The following CTDSP2 variants were observed in gnomAD, a reference collection of about 807,000 sequenced individuals.
CTDSP2 encodes the protein carboxy-terminal domain RNA polymerase II polypeptide A small phosphatase 2.
A neutral mutation model predicts 31.6 loss-of-function variants in CTDSP2; 9 were observed. The observed-to-expected ratio is 0.28, with a 90% CI of 0.17 to 0.50. The LOEUF is 0.50. Among genes scored for constraint, CTDSP2 ranks in the 20% least tolerant of loss-of-function variants. The pLI, the probability that CTDSP2 is intolerant of heterozygous loss-of-function variation, is 0.98. For missense variants in CTDSP2, 267 were observed against 348.5 expected, an observed-to-expected ratio of 0.77 and a Z score of 1.86; for synonymous variants, 134 against 134.5, an observed-to-expected ratio of 1.00 and a Z score of 0.03.
Position 57,822,689 on chromosome 12 carries a change from C to G in CTDSP2, c.*913G>C, listed in dbSNP as rs951627916. The G allele has an allele frequency of 3.3e-5, 5 of 152,306 alleles. No homozygotes were observed. Among genetic ancestry groups the G allele is most frequent in the African/African-American group, 1.2e-4 (5 of 41,464 alleles). 9.4% of individuals were successfully genotyped at this position (152,306 alleles called of 1,614,324 possible). Reference sequence around the variant, plus strand: ...TTAGCTGATCCACAAGCCATGGGGACACACGTCCACGCTTTGAGGATTTGT... The same window carrying G: ...TTAGCTGATCCACAAGCCATGGGGAGACACGTCCACGCTTTGAGGATTTGT... On this transcript the variant is annotated 3_prime_UTR_variant, in exon 8 of 8. Transcript: ENST00000398073.
At chr12:57,839,012 C>T (rs544040986) in intron 1 of CTDSP2, among the ~76,000 whole-genome samples, 17 of 152,266 alleles carry the variant, frequency 1.1e-4, no homozygotes, top group South Asian at 2.1e-4. Flanking sequence ...TGATGTTTTC[C>T]GGGACTCCAC....
At chr12:57,840,457 G>GT (rs1022405381) in intron 1 of CTDSP2, among the ~76,000 whole-genome samples, 14 of 152,144 alleles carry the variant, frequency 9.2e-5, no homozygotes, top group African/African-American at 3.4e-4. Context: ...TCTATGTGAC[G>GT]TGAGTCAGAA....
rs1956167620 is a variant in CTDSP2 at position 57,824,133 on chromosome 12, C to A, written c.505-44G>T. ...CCTTAGTTTGGATACACTCCTGGTC[C>A]TCCTGTATAACCCTAGGGACCAAAA... On this transcript the variant is annotated intron_variant, in intron 6 of 7. Coordinates refer to ENST00000398073, the MANE Select transcript of CTDSP2 (RefSeq NM_005730.4). 5 of 1,611,764 alleles carry A rather than the reference C, an allele frequency of 3.1e-6. No homozygotes were observed. In the East Asian group the frequency reaches 1.1e-4, roughly 36 times the overall value.
intron 1 of CTDSP2, among the ~76,000 whole-genome samples, chr12:57,841,867 G>A (rs1956284607): frequency 1.3e-5 from 2 of 152,174 alleles, no homozygotes; most frequent in South Asian, 4.1e-4. Context: ...TATAATAGAA[G>A]GGTAGATATC....
rs1595192075 is a variant in CTDSP2, at chr12:57,833,040, C to A, written c.65-3444G>T. Among the ~76,000 whole-genome samples the A allele has an allele frequency of 2.6e-5, 4 of 152,276 alleles. No homozygotes were observed. The South Asian group carries it at 8.3e-4, about 32-fold the overall frequency. The stretch of plus-strand genomic sequence containing the variant: ...TGGTTTATGGTTTCTTCATGCAGAA[C>A]CACAATCAGAGGCTTAACCCGGGCA... On this transcript the variant is annotated intron_variant, in intron 1 of 7. Transcript: ENST00000398073.
intron 1 of CTDSP2, among the ~76,000 whole-genome samples, chr12:57,839,522 T>C (rs1376572950): frequency 6.6e-6 from 1 of 152,080 alleles, no homozygotes; most frequent in Admixed American, 6.6e-5. Flanking sequence ...ATCAAGACCA[T>C]CCTGGCTAAC....
At position 57,821,020 on chromosome 12, in the gene CTDSP2, AAG is replaced by A. The variant is rs1219725314; in HGVS notation, c.*2580_*2581del. On this transcript the variant is annotated 3_prime_UTR_variant, in exon 8 of 8. Transcript: ENST00000398073. The stretch of plus-strand genomic sequence containing the variant: ...AGGGGCTGATGGTGGGAAGCCCTAG[AAG>A]AGAGTCTGGGATGAAGCGGCCTCCT... 5 of 152,312 alleles carry A rather than the reference AAG, an allele frequency of 3.3e-5. No homozygotes were observed. Among genetic ancestry groups the A allele is most frequent in the East Asian group, 1.9e-4 (1 of 5,188 alleles). 9.4% of individuals were successfully genotyped at this position (152,312 alleles called of 1,614,324 possible).
chr12:57,830,503 A>C (rs1282283308), intron 1 of CTDSP2, among the ~76,000 whole-genome samples: 1 of 152,192 alleles, frequency 6.6e-6, no homozygotes, highest in Non-Finnish European at 1.5e-5. Flanking sequence ...CCCAGCCCCA[A>C]GGAAGAAACT....
rs529476902 is a variant in CTDSP2, at chr12:57,827,134, A to G, written c.253-37T>C. On this transcript the variant is annotated intron_variant, in intron 3 of 7. Transcript: ENST00000398073. ...CCAGGTTGCTGAGATCTGCCTACCA[A>G]GAAAGCCCAATTGTACCCCTTGGCA... 5.3e-5 allele frequency: 78 copies of G among 1,468,724 alleles called. 1 individual carries two copies. Among genetic ancestry groups the G allele is most frequent in the Non-Finnish European group, 6.9e-5 (73 of 1,051,350 alleles). 91.0% of individuals were successfully genotyped at this position (1,468,724 alleles called of 1,614,324 possible).
chr12:57,833,304 A>T (rs1260474994), intron 1 of CTDSP2, among the ~76,000 whole-genome samples: 1 of 152,144 alleles, frequency 6.6e-6, no homozygotes, highest in Non-Finnish European at 1.5e-5. Context: ...TCTGCAGGGG[A>T]TGAGGGTCTT....
At chr12:57,829,718 G>C in intron 1 of CTDSP2, 122 bp from the exon 2 acceptor site, 1 of 759,188 alleles carries the variant, frequency 1.3e-6, no homozygotes, top group Non-Finnish European at 2.2e-6. Context: ...TATACGGCTG[G>C]TGAACAACCA....
intron 2 of CTDSP2, among the ~76,000 whole-genome samples, chr12:57,829,194 G>A (rs1349958993): frequency 6.6e-6 from 1 of 152,176 alleles, no homozygotes; most frequent in Non-Finnish European, 1.5e-5. Flanking sequence ...ACCTTGCCTA[G>A]TTCCTGGAAC....
intron 5 of CTDSP2, chr12:57,824,651 T>C (rs776445236): frequency 4.9e-5 from 27 of 554,990 alleles, no homozygotes; most frequent in South Asian, 3.8e-4. Flanking sequence ...GCCTCACAGA[T>C]GGAAACAGCC....
At chr12:57,825,099 C>T (rs546058717) in intron 5 of CTDSP2, among the ~76,000 whole-genome samples, 16 of 152,276 alleles carry the variant, frequency 1.1e-4, no homozygotes, top group African/African-American at 3.9e-4. Flanking sequence ...AGGCATTCCT[C>T]CTGCCTTGGC....
chr12:57,833,997 C>G (rs1241192380), intron 1 of CTDSP2, among the ~76,000 whole-genome samples: 1 of 152,206 alleles, frequency 6.6e-6, no homozygotes, highest in Non-Finnish European at 1.5e-5. Flanking sequence ...GTTAAGTAAC[C>G]TGGCTCACGG....
intron 1 of CTDSP2, among the ~76,000 whole-genome samples, chr12:57,831,277 G>C (rs1298588752): frequency 6.6e-6 from 1 of 151,724 alleles, no homozygotes; most frequent in Non-Finnish European, 1.5e-5. Flanking sequence ...CCCACATGGT[G>C]AAACCCTGTC....
rs758269345 is a variant in CTDSP2 at position 57,823,981 on chromosome 12, G to A, written c.613C>T (p.Arg205Cys). The A allele has an allele frequency of 6.2e-6, 10 of 1,613,970 alleles. No homozygotes were observed. In the Admixed American group the frequency reaches 6.7e-5, roughly 11 times the overall value. Reference protein sequence around the residue: ...HQGCYVKDLSRLGRDLRKTLI... With the variant: ...HQGCYVKDLSCLGRDLRKTLI... ...GTCTTTCTCAGGTCCCTCCCCAGGC[G>A]GCTGAGGTCCTTGACGTAGCAGCCC... Residue 205 changes from arginine to cysteine, a missense_variant, in exon 7 of 8, where the codon CGC (arginine) becomes TGC (cysteine). Physicochemically the swap from Arg to Cys is radical, Grantham distance 180. Transcript: ENST00000398073.
chr12:57,825,875 G>A (rs1002366166), intron 5 of CTDSP2, among the ~76,000 whole-genome samples: 2 of 152,124 alleles, frequency 1.3e-5, no homozygotes, highest in African/African-American at 4.8e-5. Context: ...GTGGCAGGGG[G>A]AGCATGGGCA....
chr12:57,840,557 G>T (rs1418422859), intron 1 of CTDSP2, among the ~76,000 whole-genome samples: 1 of 152,118 alleles, frequency 6.6e-6, no homozygotes, highest in East Asian at 1.9e-4. Context: ...GAAAAGCTGG[G>T]ATCTACTATC....
Sources: gnomAD v4.1 joint callset for allele counts (sites outside exome capture counted in the v4.1 genomes callset) on GRCh38, gnomAD v4.1.1 for gene constraint, MANE v1.5 for transcripts, NCBI Gene and HGNC (gene_info 2026-07-23, HGNC 2026-07-21) for gene names.